Variants in LRRC8C observed in about 807,000 individuals in gnomAD.
LRRC8C encodes the protein leucine rich repeat containing 8 VRAC subunit C, also known as volume-regulated anion channel subunit LRRC8C.
A neutral mutation model predicts 55.3 loss-of-function variants in LRRC8C; 20 were observed. The ratio of observed to expected loss-of-function variants is 0.36; its 90% confidence interval spans 0.25 to 0.53. LRRC8C has a LOEUF of 0.53. Ranked by LOEUF, LRRC8C falls within the 20% of genes least tolerant of loss-of-function variation. The pLI, the probability that LRRC8C is intolerant of heterozygous loss-of-function variation, is 0.92. For missense variants in LRRC8C, 659 were observed against 951.4 expected, an observed-to-expected ratio of 0.69 and a Z score of 4.04; for synonymous variants, 376 against 360.7, an observed-to-expected ratio of 1.04 and a Z score of -0.48.
chr1:89,679,643 G>A (rs1403993017), intron 1 of LRRC8C, among the ~76,000 whole-genome samples: 1 of 152,156 alleles, frequency 6.6e-6, no homozygotes, highest in African/African-American at 2.4e-5. Context: ...TTTCTTTTCT[G>A]TTGAATTCCT....
At chr1:89,681,599 C>A (rs1657711447) in intron 1 of LRRC8C, among the ~76,000 whole-genome samples, 1 of 152,206 alleles carries the variant, frequency 6.6e-6, no homozygotes, top group Non-Finnish European at 1.5e-5. Flanking sequence ...AAAGGCACAT[C>A]TTACATGGTG....
intron 1 of LRRC8C, among the ~76,000 whole-genome samples, chr1:89,645,064 G>A (rs757272779): frequency 2.6e-5 from 4 of 152,110 alleles, no homozygotes; most frequent in Non-Finnish European, 5.9e-5. Context: ...ACAGTCAATA[G>A]AAATTAACTC....
At chr1:89,644,784 G>A (rs116231433) in intron 1 of LRRC8C, among the ~76,000 whole-genome samples, 2,928 of 152,294 alleles carry the variant, frequency 0.019, 109 homozygotes, top group African/African-American at 0.066. Context: ...GCTCATGAGA[G>A]GAGTTAGGCT....
intron 1 of LRRC8C, among the ~76,000 whole-genome samples, chr1:89,680,070 C>T (rs943538679): frequency 1.4e-5 from 2 of 147,312 alleles, no homozygotes; most frequent in East Asian, 4.0e-4. Flanking sequence ...CTAACTTTAC[C>T]AATATTCTTT....
At chr1:89,672,459 A>T (rs1183648495) in intron 1 of LRRC8C, among the ~76,000 whole-genome samples, 1 of 152,234 alleles carries the variant, frequency 6.6e-6, no homozygotes, top group Non-Finnish European at 1.5e-5. Context: ...TTGCAGATAG[A>T]GCTATTCTAA....
chr1:89,659,059 TTTTGTGTGTGTGTG>T (rs774458092), intron 1 of LRRC8C, among the ~76,000 whole-genome samples: 1,150 of 59,252 alleles, frequency 0.019, 39 homozygotes, highest in East Asian at 0.074. Flanking sequence ...TTTTTTTTTT[TTTTGTGTGTGTGTG>T]TGTGTGTGTG....
chr1:89,628,800 T>C (rs990040), upstream of LRRC8C, among the ~76,000 whole-genome samples: 87,572 of 152,050 alleles, frequency 0.58, 25,944 homozygotes, highest in East Asian at 0.74. Flanking sequence ...GGGAGAAGAT[T>C]AGAGTAAAAT....
chr1:89,640,546 A>T (rs2101179509), intron 1 of LRRC8C, among the ~76,000 whole-genome samples: 1 of 152,362 alleles, frequency 6.6e-6, no homozygotes, highest in South Asian at 2.1e-4. Context: ...GAATGGCTTC[A>T]TTAGCAAAAC....
chr1:89,685,276 G>T (rs1176248019), intron 1 of LRRC8C, among the ~76,000 whole-genome samples: 3 of 119,108 alleles, frequency 2.5e-5, no homozygotes, highest in South Asian at 3.2e-4. Flanking sequence ...CCGCCACCGC[G>T]CCCGGCTAAT....
intron 1 of LRRC8C, among the ~76,000 whole-genome samples, chr1:89,636,009 C>T (rs1237481781): frequency 6.6e-6 from 1 of 152,210 alleles, no homozygotes; most frequent in African/African-American, 2.4e-5. Context: ...ATAAATCATT[C>T]TGGTTTGGCA....
intron 2 of LRRC8C, among the ~76,000 whole-genome samples, chr1:89,693,349 G>A (rs1482962422): frequency 6.6e-6 from 1 of 152,186 alleles, no homozygotes; most frequent in African/African-American, 2.4e-5. Flanking sequence ...TCACTGGAAA[G>A]TACAGGCAAT....
intron 1 of LRRC8C, among the ~76,000 whole-genome samples, chr1:89,675,845 A>G (rs1657533349): frequency 6.6e-6 from 1 of 152,210 alleles, no homozygotes; most frequent in Non-Finnish European, 1.5e-5. Context: ...TGAAGAGGTG[A>G]CTAAGAAGGC....
intron 1 of LRRC8C, among the ~76,000 whole-genome samples, chr1:89,651,567 CAAAAAAAAAAA>C (rs1179039674): frequency 2.5e-5 from 1 of 40,736 alleles, no homozygotes; most frequent in Non-Finnish European, 5.4e-5. Context: ...GACTCTGTCT[CAAAAAAAAAAA>C]AAAAAAAAAA....
At chr1:89,630,323 T>C (rs975033888), upstream of LRRC8C, among the ~76,000 whole-genome samples, 25 of 152,176 alleles carry the variant, frequency 1.6e-4, no homozygotes, top group African/African-American at 5.8e-4. Context: ...TCCAATAGAC[T>C]GATGAGGAAA....
chr1:89,655,511 A>C (rs1570698958), intron 1 of LRRC8C, among the ~76,000 whole-genome samples: 2 of 152,254 alleles, frequency 1.3e-5, no homozygotes, highest in African/African-American at 4.8e-5. Context: ...CTGCTATAAC[A>C]GAATACCAAG....
chr1:89,625,455 C>T, the LRRC8C span, among the ~76,000 whole-genome samples: 11 of 152,088 alleles, frequency 7.2e-5, no homozygotes, highest in African/African-American at 2.7e-4. Context: ...ATCACTGATA[C>T]TGAGAAGGGA....
At chr1:89,636,758 G>A (rs906981386) in intron 1 of LRRC8C, among the ~76,000 whole-genome samples, 1 of 152,010 alleles carries the variant, frequency 6.6e-6, no homozygotes, top group Non-Finnish European at 1.5e-5. Context: ...CAGACAACAC[G>A]TACCCCTCCA....
chr1:89,716,152 A>G lies in LRRC8C; in HGVS notation c.*1170A>G, dbSNP rs568598120. The G allele has an allele frequency of 4.6e-5, 7 of 152,228 alleles. No homozygotes were observed. Among genetic ancestry groups the G allele is most frequent in the African/African-American group, 1.7e-4 (7 of 41,538 alleles). The allele number at this position is 152,228 out of a possible 1,614,324, so 9.4% of individuals were successfully genotyped here. On this transcript the variant is annotated 3_prime_UTR_variant, in exon 3 of 3. Coordinates refer to ENST00000370454, the MANE Select transcript of LRRC8C (RefSeq NM_032270.5). Reference sequence around the variant, plus strand: ...ACAGCGTAACAACTATTTAAATAGGATTTACATTGTTTTAGGTATTATAAA... The same window carrying G: ...ACAGCGTAACAACTATTTAAATAGGGTTTACATTGTTTTAGGTATTATAAA...
chr1:89,680,787 C>T (rs1657686378), intron 1 of LRRC8C, among the ~76,000 whole-genome samples: 1 of 150,982 alleles, frequency 6.6e-6, no homozygotes, highest in South Asian at 2.1e-4. Context: ...TCTTAAACCT[C>T]TGATCTCAAG....
Sources: gnomAD v4.1 joint callset for allele counts (sites outside exome capture counted in the v4.1 genomes callset) on GRCh38, gnomAD v4.1.1 for gene constraint, MANE v1.5 for transcripts, NCBI Gene and HGNC (gene_info 2026-07-23, HGNC 2026-07-21) for gene names.